NTM: variants seen among roughly 807,000 people sequenced by gnomAD.
NTM encodes IgLON family member 2.
A neutral mutation model predicts 42.1 loss-of-function variants in NTM; 13 were observed. The observed-to-expected ratio is 0.31, with a 90% confidence interval of 0.20 to 0.49. The LOEUF (loss-of-function observed/expected upper bound fraction) is 0.49. NTM is among the 20% of genes least tolerant of loss of function. The pLI, the probability that NTM is intolerant of heterozygous loss-of-function variation, is 0.99. For synonymous variants in NTM, 187 were observed against 179.2 expected (o/e 1.04, Z -0.35); for missense variants, 373 against 452.8 (o/e 0.82, Z 1.60).
intron 1 of NTM, among the ~76,000 whole-genome samples, chr11:131,686,805 T>C (rs895861198): frequency 1.3e-4 from 20 of 152,166 alleles, no homozygotes; most frequent in African/African-American, 4.8e-4. Context: ...TTTCCTTTGA[T>C]GTTTTCAAAG....
intron 1 of NTM, among the ~76,000 whole-genome samples, chr11:131,688,141 C>T (rs1408414883): frequency 6.6e-6 from 1 of 152,182 alleles, no homozygotes; most frequent in African/African-American, 2.4e-5. Flanking sequence ...CGCGGGGGCG[C>T]GCCTGCAGCT....
chr11:132,194,039 A>G (rs2079751867), intron 3 of NTM, among the ~76,000 whole-genome samples: 1 of 152,098 alleles, frequency 6.6e-6, no homozygotes, highest in African/African-American at 2.4e-5. Flanking sequence ...CCAGATGTAC[A>G]AAGAGCTAAT....
At chr11:131,434,558 C>A (rs915417009) in intron 1 of NTM, among the ~76,000 whole-genome samples, 2 of 152,088 alleles carry the variant, frequency 1.3e-5, no homozygotes, top group South Asian at 2.1e-4. Context: ...GTGTTTTTTT[C>A]ATGTGTTTGT....
intron 2 of NTM, among the ~76,000 whole-genome samples, chr11:131,983,361 T>C (rs1453638618): frequency 6.7e-6 from 1 of 148,736 alleles, no homozygotes; most frequent in Non-Finnish European, 1.5e-5. Context: ...AAATGGAGAG[T>C]ATAAAATTGT....
chr11:131,644,985 C>T (rs546533869), intron 1 of NTM, among the ~76,000 whole-genome samples: 2 of 152,226 alleles, frequency 1.3e-5, no homozygotes, highest in African/African-American at 2.4e-5. Flanking sequence ...CATTGCCAAG[C>T]GTGTACTCTG....
At chr11:132,223,765 C>T (rs756335646) in intron 4 of NTM, among the ~76,000 whole-genome samples, 14 of 152,166 alleles carry the variant, frequency 9.2e-5, no homozygotes, top group African/African-American at 2.9e-4. Context: ...ACATGAGTTT[C>T]GAGTCAGAAA....
At chr11:131,926,657 G>A (rs1473104549) in intron 2 of NTM, among the ~76,000 whole-genome samples, 1 of 152,174 alleles carries the variant, frequency 6.6e-6, no homozygotes, top group Non-Finnish European at 1.5e-5. Flanking sequence ...ACAGCTCTCA[G>A]GAGATGGGAA....
In NTM at chr11:131,831,520, G is replaced by A. The variant is rs1199532923; in HGVS notation, c.83-80044G>A. ...CATGTGCATTCTAGTGGGAGTCCCA[G>A]CCTGAGTCTGGTGACTTCCCCAAGC... On this transcript the variant is annotated intron_variant, in intron 1 of 8. Coordinates refer to ENST00000683400, the MANE Select transcript of NTM (RefSeq NM_001352005.2). Among the ~76,000 whole-genome samples, 3 of 152,156 alleles carry A rather than the reference G, an allele frequency of 2.0e-5. No homozygotes were observed. The South Asian group carries it at 6.2e-4, about 31-fold the overall frequency.
chr11:131,683,940 C>A (rs1430957294), intron 1 of NTM, among the ~76,000 whole-genome samples: 1 of 152,112 alleles, frequency 6.6e-6, no homozygotes, highest in African/African-American at 2.4e-5. Flanking sequence ...TTAGAAAGGG[C>A]GTTCTGAAGG....
chr11:132,067,611 G>A (rs1255681931), intron 2 of NTM, among the ~76,000 whole-genome samples: 1 of 152,206 alleles, frequency 6.6e-6, no homozygotes, highest in African/African-American at 2.4e-5. Flanking sequence ...GGGAGAAAAT[G>A]GAAGGAAGAA....
intron 1 of NTM, among the ~76,000 whole-genome samples, chr11:131,730,726 AG>A: frequency 1.3e-5 from 2 of 152,000 alleles, no homozygotes; most frequent in African/African-American, 4.8e-5. Flanking sequence ...TGTTAAAAGA[AG>A]AAGAAGAGAA....
chr11:131,513,113 G>A (rs407461), intron 1 of NTM, among the ~76,000 whole-genome samples: 22,855 of 152,168 alleles, frequency 0.15, 1,917 homozygotes, highest in Middle Eastern at 0.22. Context: ...ATGGCTCCCC[G>A]TCCCTGAGCT....
chr11:132,330,053 C>A (rs1010510664), intron 7 of NTM, 100 bp from the exon 8 acceptor site: 2 of 1,522,350 alleles, frequency 1.3e-6, no homozygotes, highest in Non-Finnish European at 8.8e-7. Context: ...GACGCTGCTG[C>A]GCCAGGAGCG....
chr11:132,013,146 A>T (rs2072607767), intron 2 of NTM, among the ~76,000 whole-genome samples: 1 of 152,178 alleles, frequency 6.6e-6, no homozygotes, highest in Non-Finnish European at 1.5e-5. Context: ...GTGTGAAGTC[A>T]ACAGAGACTA....
intron 2 of NTM, among the ~76,000 whole-genome samples, chr11:132,133,757 C>T (rs937803845): frequency 1.3e-5 from 2 of 152,182 alleles, no homozygotes; most frequent in Non-Finnish European, 2.9e-5. Context: ...CTGTTTCTGG[C>T]AGTGATGGAC....
intron 1 of NTM, among the ~76,000 whole-genome samples, chr11:131,452,361 A>G (rs6590575): frequency 0.77 from 117,089 of 152,152 alleles, 45,700 homozygotes; most frequent in East Asian, 0.97. Context: ...CAGGGAGTTC[A>G]CCTTTGAAGG....
intron 1 of NTM, among the ~76,000 whole-genome samples, chr11:131,468,285 A>G (rs1952087049): frequency 6.6e-6 from 1 of 152,260 alleles, no homozygotes; most frequent in Non-Finnish European, 1.5e-5. Flanking sequence ...GTTGATTGAC[A>G]TCCTCAGGAC....
At chr11:131,405,224 T>G (rs1200722837) in intron 1 of NTM, among the ~76,000 whole-genome samples, 1 of 152,192 alleles carries the variant, frequency 6.6e-6, no homozygotes, top group Non-Finnish European at 1.5e-5. Flanking sequence ...TTTAAGTTAA[T>G]TACACACCTT....
intron 1 of NTM, among the ~76,000 whole-genome samples, chr11:131,822,734 C>T (rs987559302): frequency 1.4e-4 from 22 of 152,042 alleles, no homozygotes; most frequent in African/African-American, 5.3e-4. Flanking sequence ...CTTCCCATTG[C>T]TTAATGATAT....
Sources: allele counts gnomAD v4.1 joint callset (sites outside exome capture counted in the v4.1 genomes callset), GRCh38; gene constraint gnomAD v4.1.1; transcripts MANE v1.5; gene names NCBI Gene and HGNC (gene_info 2026-07-23, HGNC 2026-07-21).